The following COL23A1 variants were observed in gnomAD, a reference collection of about 807,000 sequenced individuals.
COL23A1 encodes the protein collagen type XXIII alpha 1 chain.
In COL23A1, 97 loss-of-function variants were observed where a neutral mutation model predicts 99.3. That is an observed-to-expected ratio of 0.98 (90% CI 0.83 to 1.16). The LOEUF is 1.16. COL23A1 is among the 50% of genes most tolerant of loss of function. COL23A1 has a pLI of 0.00. For missense variants in COL23A1, 762 were observed against 757.4 expected (o/e 1.01, Z -0.07); for synonymous variants, 320 against 308.2 (o/e 1.04, Z -0.40).
Position 178,384,552 on chromosome 5 carries a change from G to A in COL23A1, c.362-77633C>T, listed in dbSNP as rs1763566201. Reference sequence around the variant, plus strand: ...CACCGGGCACTGTGCAGGGGCCGGCGTGCCTTACTTCCCTCCCTGCTCCTG... The same window carrying A: ...CACCGGGCACTGTGCAGGGGCCGGCATGCCTTACTTCCCTCCCTGCTCCTG... On this transcript the variant is annotated intron_variant, in intron 2 of 28. Coordinates refer to ENST00000390654, the MANE Select transcript of COL23A1 (RefSeq NM_173465.4). This position sits in a 1 kb window ranked among gnomAD's most constrained non-coding sequence, Gnocchi z 5.5. Among the ~76,000 whole-genome samples, 1 of 152,156 alleles carries A rather than the reference G, an allele frequency of 6.6e-6. No individual in the cohort carries two copies. Among genetic ancestry groups the A allele is most frequent in the African/African-American group, 2.4e-5 (1 of 41,444 alleles).
intron 25 of COL23A1, among the ~76,000 whole-genome samples, chr5:178,245,215 TCATC>T (rs141224583): frequency 0.15 from 20,908 of 142,174 alleles, 1,819 homozygotes; most frequent in East Asian, 0.38. Context: ...TCATCATCTA[TCATC>T]CATCCATCCA....
chr5:178,247,547 G>A lies in COL23A1; in HGVS notation c.1275C>T (p.Leu425=). 7.4e-6 allele frequency: 12 copies of A among 1,614,110 alleles called. No individual in the cohort carries two copies. Among genetic ancestry groups the A allele is most frequent in the Non-Finnish European group, 1.0e-5 (12 of 1,179,966 alleles). The change falls in exon 22 of 29, where the codon CTC becomes CTT. Residue 425 remains leucine, a synonymous_variant. Transcript: ENST00000390654. ...TCACCTTGGGACCCTGGATTCCCTG[G>A]AGGCCCTGCAGGAGGAGGAAGCAGA... The part of the protein sequence containing the change: ...GPPGPPGPMG[L]QGIQGPKGLD...
chr5:178,358,029 C>CGTATGT (rs780691478), intron 2 of COL23A1, among the ~76,000 whole-genome samples: 4 of 108,028 alleles, frequency 3.7e-5, no homozygotes, highest in South Asian at 6.4e-4. Flanking sequence ...TGTGTGTATG[C>CGTATGT]GTATGTGTAT....
At chr5:178,337,307 G>A (rs1760391968) in intron 2 of COL23A1, among the ~76,000 whole-genome samples, 2 of 152,256 alleles carry the variant, frequency 1.3e-5, no homozygotes, top group African/African-American at 4.8e-5. Context: ...CCAGACCCCG[G>A]GAAGGAGCAG....
At chr5:178,377,780 G>A (rs1285099382) in intron 2 of COL23A1, 1 of 152,718 alleles carries the variant, frequency 6.5e-6, no homozygotes, top group African/African-American at 2.4e-5. Flanking sequence ...CTGCGTAGAG[G>A]TGGCCAGTGG....
intron 2 of COL23A1, among the ~76,000 whole-genome samples, chr5:178,347,805 C>T (rs1224570203): frequency 1.4e-5 from 2 of 144,130 alleles, no homozygotes; most frequent in African/African-American, 2.6e-5. Flanking sequence ...CACTTGAACC[C>T]GGGAGGCGGA....
At chr5:178,549,433 A>G (rs1417034135) in intron 2 of COL23A1, among the ~76,000 whole-genome samples, 2 of 152,220 alleles carry the variant, frequency 1.3e-5, no homozygotes, top group Admixed American at 6.6e-5. Flanking sequence ...AACATGCAGA[A>G]AAAGTATAGC....
rs199565368 is a variant in COL23A1 at position 178,249,140 on chromosome 5, C to T, written c.1126G>A (p.Glu376Lys). 71 of 1,614,240 alleles carry T rather than the reference C, an allele frequency of 4.4e-5. No individual in the cohort carries two copies. Among genetic ancestry groups the T allele is most frequent in the Middle Eastern group, 1.7e-4 (1 of 6,058 alleles). The change falls in exon 19 of 29, where the codon GAG (glutamate) becomes AAG (lysine). Residue 376 changes from glutamate (E) to lysine (K), a missense_variant. Transcript: ENST00000390654. ...ACCGGGAGGCCGGACAAGCCCATCT[C>T]GCCTGCTTCCCCTTTGAGTCCTGCT... ...GPAGLKGEAG[E>K]MGLSGLPGAD...
At position 178,415,709 on chromosome 5, in the gene COL23A1, G is replaced by C. The variant is rs1030117512; in HGVS notation, c.362-108790C>G. Reference sequence around the variant, plus strand: ...ACTGTCCCACGCCACATCTGTGCCCGAGCCCTGCTGCACAAGGGGATGCAG... The same window carrying C: ...ACTGTCCCACGCCACATCTGTGCCCCAGCCCTGCTGCACAAGGGGATGCAG... On this transcript the variant is annotated intron_variant, in intron 2 of 28. Coordinates refer to ENST00000390654, the MANE Select transcript of COL23A1 (RefSeq NM_173465.4). The surrounding 1 kb of genome is among the most constrained non-coding windows in gnomAD (Gnocchi z 4.6). Among the ~76,000 whole-genome samples, 2 of 152,218 alleles carry C rather than the reference G, an allele frequency of 1.3e-5. No homozygotes were observed. Among genetic ancestry groups the C allele is most frequent in the Non-Finnish European group, 2.9e-5 (2 of 68,030 alleles).
At chr5:178,248,391 T>A (rs1330817760) in intron 19 of COL23A1, 137 bp from the exon 20 acceptor site, 1 of 629,174 alleles carries the variant, frequency 1.6e-6, no homozygotes, top group African/African-American at 1.9e-5. Context: ...CTGAAAAGTT[T>A]TCCCTACATC....
Position 178,295,842 on chromosome 5 carries a change from C to T in COL23A1, c.407-5473G>A, listed in dbSNP as rs143425630. Among the ~76,000 whole-genome samples the T allele has an allele frequency of 2.9e-3, 445 of 152,306 alleles. 1 individual carries two copies. The highest frequency in any genetic ancestry group is 9.5e-3 in the African/African-American group (396 of 41,560). ...GAACTATCTCCAGGGTGTATTGCTG[C>T]ATTTTAAAAGGGTATAGAATGGCAT... On this transcript the variant is annotated intron_variant, in intron 3 of 28. Coordinates refer to ENST00000390654, the MANE Select transcript of COL23A1 (RefSeq NM_173465.4).
intron 2 of COL23A1, among the ~76,000 whole-genome samples, chr5:178,420,487 TC>T (rs1765565714): frequency 1.9e-5 from 1 of 54,018 alleles, no homozygotes; most frequent in South Asian, 1.2e-3. Context: ...CCCCGCTCTT[TC>T]CTCCTCCCCT....
chr5:178,538,280 C>T (rs1183680809), intron 2 of COL23A1, among the ~76,000 whole-genome samples: 1 of 152,184 alleles, frequency 6.6e-6, no homozygotes, highest in Non-Finnish European at 1.5e-5. Flanking sequence ...CGCCTCTCTA[C>T]CTAACTGGAG....
intron 6 of COL23A1, among the ~76,000 whole-genome samples, chr5:178,269,591 A>ATCCATCCATCCATCC (rs1554129137): frequency 1.1e-5 from 1 of 90,700 alleles, no homozygotes; most frequent in Non-Finnish European, 2.0e-5. Flanking sequence ...CTCATCCATC[A>ATCCATCCATCCATCC]ATCCATCCAT....
chr5:178,397,565 T>C (rs1411617390), intron 2 of COL23A1, among the ~76,000 whole-genome samples: 1 of 152,248 alleles, frequency 6.6e-6, no homozygotes, highest in Non-Finnish European at 1.5e-5. Flanking sequence ...CTCATGCCGC[T>C]GTCTTGGTTA....
chr5:178,432,779 C>G (rs975266872), intron 2 of COL23A1, among the ~76,000 whole-genome samples: 12 of 152,118 alleles, frequency 7.9e-5, no homozygotes, highest in African/African-American at 2.9e-4. Context: ...GAGTGCCTGC[C>G]TGGGACAAGT....
intron 2 of COL23A1, among the ~76,000 whole-genome samples, chr5:178,404,789 C>T (rs1397881647): frequency 6.6e-6 from 1 of 152,168 alleles, no homozygotes; most frequent in African/African-American, 2.4e-5. Flanking sequence ...GACCTGGGCC[C>T]ACACCTCTTG....
At chr5:178,254,850 C>T in intron 16 of COL23A1, 99 bp downstream of exon 16, 4 of 1,049,520 alleles carry the variant, frequency 3.8e-6, no homozygotes, top group Non-Finnish European at 5.8e-6. Flanking sequence ...GCCTCTGGTC[C>T]CTTGTGTAAA....
chr5:178,303,193 T>C (rs1758167936), intron 3 of COL23A1, among the ~76,000 whole-genome samples: 1 of 152,070 alleles, frequency 6.6e-6, no homozygotes, highest in Non-Finnish European at 1.5e-5. Context: ...AGAGATGGGG[T>C]TTCACCATGT....
Sources: allele counts gnomAD v4.1 joint callset (sites outside exome capture counted in the v4.1 genomes callset), GRCh38; gene constraint gnomAD v4.1.1; non-coding constraint Gnocchi (gnomAD v3.1); transcripts MANE v1.5; gene names NCBI Gene and HGNC (gene_info 2026-07-23, HGNC 2026-07-21).